CHD1L: variants seen among roughly 807,000 people sequenced by gnomAD.
CHD1L encodes chromodomain helicase DNA binding protein 1 like.
A neutral mutation model predicts 115.9 loss-of-function variants in CHD1L; 118 were observed. The ratio of observed to expected loss-of-function variants is 1.02; its 90% confidence interval spans 0.88 to 1.19. The LOEUF is 1.19. Ranked by LOEUF, CHD1L falls within the 50% of genes most tolerant of loss-of-function variation. CHD1L has a pLI of 0.00. For synonymous variants in CHD1L, 411 were observed against 387.1 expected, an observed-to-expected ratio of 1.06 and a Z score of -0.72; for missense variants, 1,179 against 1,065.3, an observed-to-expected ratio of 1.11 and a Z score of -1.49.
intron 21 of CHD1L, 88 bp downstream of exon 21, chr1:147,293,810 A>T: frequency 1.9e-6 from 2 of 1,073,722 alleles, no homozygotes; most frequent in Non-Finnish European, 2.8e-6. Context: ...AAATGTCAAG[A>T]TCCCACTTAA....
the CHD1L span, chr1:147,174,790 G>T: frequency 2.0e-5 from 3 of 151,708 alleles, no homozygotes; most frequent in South Asian, 6.2e-4. Context: ...ATTTATTGCT[G>T]TCACCCCAAT....
intron 1 of CHD1L, among the ~76,000 whole-genome samples, chr1:147,246,039 C>A (rs1298671108): frequency 6.6e-6 from 1 of 152,226 alleles, no homozygotes; most frequent in East Asian, 1.9e-4. Context: ...TTGATAGCTA[C>A]ACTCACCTCC....
rs1456134567 is a variant in CHD1L, at chr1:147,255,946, A to G, written c.462+19A>G. 1.9e-6 allele frequency: 3 copies of G among 1,554,144 alleles called. No individual in the cohort carries two copies. Among genetic ancestry groups the G allele is most frequent in the African/African-American group, 1.4e-5 (1 of 73,598 alleles). On this transcript the variant is annotated intron_variant, in intron 4 of 22. Coordinates refer to ENST00000369258, the MANE Select transcript of CHD1L (RefSeq NM_004284.6). ...CTATGAGGTATTCATTCGTTTCTCT[A>G]TAGCGAGAACTCCTAACCTGTGACC...
chr1:147,216,951 C>G, the CHD1L span, among the ~76,000 whole-genome samples: 2 of 152,182 alleles, frequency 1.3e-5, no homozygotes, highest in African/African-American at 2.4e-5. Context: ...TCAAAAACTT[C>G]CTATTGAGGC....
rs782224706 is a variant in CHD1L at position 147,275,399 on chromosome 1, T to C, written c.1316T>C (p.Val439Ala). ...ACAGCAGCAGATACTGTGATTTTTG[T>C]TGACAGTGACTTTAATCCTCAGAAT... ...NLTAADTVIFVDSDFNPQNDL... is the reference protein window; with the variant it reads ...NLTAADTVIFADSDFNPQNDL... The change falls in exon 13 of 23, where the codon GTT becomes GCT. Residue 439 changes from valine (V) to alanine (A), a missense_variant. Physicochemically the swap from Val to Ala is moderately conservative, Grantham distance 64 (BLOSUM62 0). Coordinates refer to ENST00000369258, the MANE Select transcript of CHD1L (RefSeq NM_004284.6). The C allele has an allele frequency of 1.2e-6, 2 of 1,614,188 alleles. No homozygotes were observed. The highest frequency in any genetic ancestry group is 1.7e-6 in the Non-Finnish European group (2 of 1,180,002).
chr1:147,294,789 T>G (rs1385804336), intron 22 of CHD1L, among the ~76,000 whole-genome samples: 2 of 152,198 alleles, frequency 1.3e-5, no homozygotes, highest in Non-Finnish European at 2.9e-5. Context: ...AATTGTTAAT[T>G]TGGTAACATA....
In CHD1L at chr1:147,291,484, C is replaced by G; in HGVS notation, c.2323C>G (p.Leu775Val). 1 of 1,613,494 alleles carries G rather than the reference C, an allele frequency of 6.2e-7. No individual in the cohort carries two copies. Among genetic ancestry groups the G allele is most frequent in the Non-Finnish European group, 8.5e-7 (1 of 1,179,524 alleles). The change falls in exon 20 of 23, where the codon CTG (leucine) becomes GTG (valine). Residue 775 changes from leucine to valine, a missense_variant and splice_region_variant. Coordinates refer to ENST00000369258, the MANE Select transcript of CHD1L (RefSeq NM_004284.6). ...IYELAGKMKD[L>V]SLGGVLLFPV... ...TGCTCCTTTCTGTTTTACCTCAGAC[C>G]TGAGTTTGGGAGGTGTCCTTTTATT... is the stretch of plus-strand genomic sequence containing the variant.
intron 19 of CHD1L, among the ~76,000 whole-genome samples, chr1:147,291,025 A>G (rs1233252075): frequency 3.9e-5 from 6 of 152,218 alleles, no homozygotes; most frequent in Non-Finnish European, 8.8e-5. Flanking sequence ...ATGTAAAGCC[A>G]TAGAATTAAA....
At chr1:147,231,673 T>G in the CHD1L span, among the ~76,000 whole-genome samples, 2 of 152,150 alleles carry the variant, frequency 1.3e-5, no homozygotes, top group African/African-American at 4.8e-5. Flanking sequence ...GGACTTGCTT[T>G]ATGAATCTGG....
the CHD1L span, among the ~76,000 whole-genome samples, chr1:147,219,285 C>T: frequency 6.6e-6 from 1 of 152,060 alleles, no homozygotes; most frequent in Non-Finnish European, 1.5e-5. Flanking sequence ...TGTATAATCG[C>T]TCCCTGTTAG....
the CHD1L span, chr1:147,201,007 C>T: frequency 3.0e-6 from 2 of 660,244 alleles, no homozygotes; most frequent in Non-Finnish European, 5.1e-6. Flanking sequence ...TTTAGATTCA[C>T]TCAAAAATAT....
Position 147,271,009 on chromosome 1 carries a change from A to C in CHD1L, c.1159+4A>C, listed in dbSNP as rs977581479. On this transcript the variant is annotated splice_donor_region_variant and intron_variant, in intron 11 of 22. Transcript: ENST00000369258. Reference sequence around the variant, plus strand: ...CAAGACTATATGGATTACAGAGGTGACACCTTTTGGCCACTACATTACCTA... The same window carrying C: ...CAAGACTATATGGATTACAGAGGTGCCACCTTTTGGCCACTACATTACCTA... 1 of 1,613,212 alleles carries C rather than the reference A, an allele frequency of 6.2e-7. No homozygotes were observed. Among genetic ancestry groups the C allele is most frequent in the African/African-American group, 1.3e-5 (1 of 74,888 alleles).
chr1:147,189,990 T>C, the CHD1L span, among the ~76,000 whole-genome samples: 3 of 152,190 alleles, frequency 2.0e-5, no homozygotes, highest in African/African-American at 7.2e-5. Context: ...TTCTCTCTTT[T>C]CTTACCCATA....
the CHD1L span, among the ~76,000 whole-genome samples, chr1:147,185,329 C>T: frequency 1.3e-5 from 2 of 151,320 alleles, no homozygotes; most frequent in Non-Finnish European, 2.9e-5. Flanking sequence ...AATTTACATG[C>T]TAAAAGAGAA....
At chr1:147,187,189 T>A in the CHD1L span, 1 of 1,614,118 alleles carries the variant, frequency 6.2e-7, no homozygotes, top group South Asian at 1.1e-5. Flanking sequence ...ATCAGCAAGC[T>A]CTTCCATGGT....
chr1:147,293,591 ATGG>A lies in CHD1L; in HGVS notation c.2392-12_2392-10del. On this transcript the variant is annotated splice_polypyrimidine_tract_variant and intron_variant, in intron 20 of 22. Coordinates refer to ENST00000369258, the MANE Select transcript of CHD1L (RefSeq NM_004284.6). ...TGTTTCATGTTGGGTTGGTCATCTA[ATGG>A]TGGTTCTTTCCAGTTGGCCTTGATT... 4 of 1,610,160 alleles carry A rather than the reference ATGG, an allele frequency of 2.5e-6. No homozygotes were observed. The highest frequency in any genetic ancestry group is 3.4e-6 in the Non-Finnish European group (4 of 1,176,998).
At chr1:147,273,293 TGAAA>T (rs1676986770) in intron 12 of CHD1L, among the ~76,000 whole-genome samples, 1 of 152,192 alleles carries the variant, frequency 6.6e-6, no homozygotes, top group Admixed American at 6.5e-5. Flanking sequence ...TGCAGGAACA[TGAAA>T]GAGATGTGTG....
chr1:147,241,962 T>C (rs1360338289), upstream of CHD1L, among the ~76,000 whole-genome samples: 1 of 152,182 alleles, frequency 6.6e-6, no homozygotes, highest in African/African-American at 2.4e-5. Flanking sequence ...AAAATATACT[T>C]AAAGCCCTTA....
chr1:147,213,342 G>A, the CHD1L span: 1 of 1,612,692 alleles, frequency 6.2e-7, no homozygotes, highest in Admixed American at 1.7e-5. Context: ...GAGCATTGGT[G>A]TGATGGCCAG....
Sources: allele counts gnomAD v4.1 joint callset (sites outside exome capture counted in the v4.1 genomes callset), GRCh38; gene constraint gnomAD v4.1.1; transcripts MANE v1.5; gene names NCBI Gene and HGNC (gene_info 2026-07-23, HGNC 2026-07-21).